AUH: variants seen among roughly 807,000 people sequenced by gnomAD.
The protein encoded by AUH is AU RNA binding methylglutaconyl-CoA hydratase.
In AUH, 29 loss-of-function variants were observed where a neutral mutation model predicts 42.3. The observed-to-expected ratio is 0.69, with a 90% confidence interval of 0.51 to 0.93. AUH has a LOEUF of 0.93. Ranked by LOEUF, AUH falls within the 40% of genes least tolerant of loss-of-function variation. AUH has a pLI of 0.00. For synonymous variants in AUH, 174 were observed against 166.4 expected, an observed-to-expected ratio of 1.05 and a Z score of -0.35; for missense variants, 452 against 438.1, an observed-to-expected ratio of 1.03 and a Z score of -0.28.
chr9:91,293,315 A>G (rs1337533954), intron 6 of AUH, among the ~76,000 whole-genome samples: 1 of 152,262 alleles, frequency 6.6e-6, no homozygotes, highest in Non-Finnish European at 1.5e-5. Flanking sequence ...AGATCAGCCA[A>G]AAGCTAGGCC....
At chr9:91,280,954 T>C in intron 6 of AUH, among the ~76,000 whole-genome samples, 1 of 152,220 alleles carries the variant, frequency 6.6e-6, no homozygotes, top group East Asian at 1.9e-4. Flanking sequence ...AGGATTTTTT[T>C]AAAAGTCTTG....
chr9:91,358,476 C>T (rs914219894), intron 1 of AUH, among the ~76,000 whole-genome samples: 2 of 152,092 alleles, frequency 1.3e-5, no homozygotes, highest in African/African-American at 2.4e-5. Context: ...ATTAAGAATT[C>T]GGCAAGTTAC....
intron 6 of AUH, among the ~76,000 whole-genome samples, chr9:91,273,309 A>G (rs1825302530): frequency 6.6e-6 from 1 of 152,230 alleles, no homozygotes; most frequent in African/African-American, 2.4e-5. Context: ...AAGGTTCACT[A>G]TAGTCATGGT....
chr9:91,305,617 C>A (rs1198078273), intron 4 of AUH, among the ~76,000 whole-genome samples: 1 of 151,650 alleles, frequency 6.6e-6, no homozygotes, highest in African/African-American at 2.4e-5. Flanking sequence ...ACCTGCCTTC[C>A]TACCTTTCTA....
At chr9:91,331,772 T>G (rs1415240987) in intron 3 of AUH, among the ~76,000 whole-genome samples, 1 of 152,232 alleles carries the variant, frequency 6.6e-6, no homozygotes. Flanking sequence ...ATATTTGCAG[T>G]AAACTACTCC....
At chr9:91,318,189 A>C (rs549212274) in intron 4 of AUH, among the ~76,000 whole-genome samples, 8 of 152,346 alleles carry the variant, frequency 5.3e-5, no homozygotes, top group African/African-American at 1.9e-4. Context: ...AAACATCTTA[A>C]AAGTAAATCT....
chr9:91,344,399 A>G (rs1831328858), intron 3 of AUH, among the ~76,000 whole-genome samples: 1 of 152,294 alleles, frequency 6.6e-6, no homozygotes, highest in Non-Finnish European at 1.5e-5. Flanking sequence ...TTGATGTCTT[A>G]TGTCTCCCTA....
intron 4 of AUH, among the ~76,000 whole-genome samples, chr9:91,300,858 T>TG (rs1490959483): frequency 6.6e-6 from 1 of 152,226 alleles, no homozygotes; most frequent in Non-Finnish European, 1.5e-5. Flanking sequence ...AGCCCCTACT[T>TG]GTCTGTCGAG....
chr9:91,333,903 C>T (rs762564984), intron 3 of AUH, among the ~76,000 whole-genome samples: 3 of 152,150 alleles, frequency 2.0e-5, no homozygotes, highest in Non-Finnish European at 4.4e-5. Flanking sequence ...TTTCCCCTCC[C>T]TGTAGCAACA....
At chr9:91,236,371 G>A (rs763236194) in intron 6 of AUH, among the ~76,000 whole-genome samples, 2 of 152,080 alleles carry the variant, frequency 1.3e-5, no homozygotes, top group Admixed American at 6.5e-5. Flanking sequence ...ATAACACTAC[G>A]TAAATCCTCC....
Position 91,361,880 on chromosome 9 carries a change from C to A in AUH, c.10G>T (p.Ala4Ser). MAAAVAAAPGALGS... is the reference protein window; with the variant it reads MAASVAAAPGALGS... ...AAGGCCCCAGGTGCCGCCGCCACCG[C>A]GGCCGCCATGTTGTCTGTTTACGGC... Residue 4 changes from alanine to serine, a missense_variant, in exon 1 of 10, where the codon GCG (alanine) becomes TCG (serine). Coordinates refer to ENST00000375731, the MANE Select transcript of AUH (RefSeq NM_001698.3). The A allele has an allele frequency of 6.8e-7, 1 of 1,465,342 alleles. No individual in the cohort carries two copies. Among genetic ancestry groups the A allele is most frequent in the East Asian group, 2.9e-5 (1 of 34,344 alleles). The allele number at this position is 1,465,342 out of a possible 1,614,324, so 90.8% of individuals were successfully genotyped here.
intron 6 of AUH, among the ~76,000 whole-genome samples, chr9:91,293,309 C>G (rs1025482337): frequency 2.6e-5 from 4 of 152,248 alleles, no homozygotes; most frequent in Non-Finnish European, 5.9e-5. Context: ...AAGCTGAGAT[C>G]AGCCAAAAGC....
chr9:91,214,341 G>T lies in AUH; in HGVS notation c.*7C>A, dbSNP rs766829349. 1 of 1,600,462 alleles carries T rather than the reference G, an allele frequency of 6.2e-7. No homozygotes were observed. The highest frequency in any genetic ancestry group is 2.2e-5 in the East Asian group (1 of 44,698). ...TTACATTGGCATCTTAAGAATTTCT[G>T]TTCCTTTTATTCTCCTTTATAGCGA... On this transcript the variant is annotated 3_prime_UTR_variant, in exon 10 of 10. Transcript: ENST00000375731.
chr9:91,273,649 T>C (rs1825328837), intron 6 of AUH, among the ~76,000 whole-genome samples: 1 of 152,240 alleles, frequency 6.6e-6, no homozygotes, highest in Admixed American at 6.5e-5. Flanking sequence ...ACCCTCTGTC[T>C]TTATAACAGA....
chr9:91,354,272 A>G (rs1832238165), intron 3 of AUH, among the ~76,000 whole-genome samples: 1 of 152,234 alleles, frequency 6.6e-6, no homozygotes. Context: ...CAATTTTTCT[A>G]TAATTAAGAC....
At chr9:91,215,664 C>T (rs556693846) in intron 9 of AUH, among the ~76,000 whole-genome samples, 40 of 152,122 alleles carry the variant, frequency 2.6e-4, no homozygotes, top group Non-Finnish European at 5.3e-4. Context: ...AGAGACAGAT[C>T]AGAGGTTCAG....
At chr9:91,308,150 C>T (rs886915517) in intron 4 of AUH, among the ~76,000 whole-genome samples, 4 of 152,058 alleles carry the variant, frequency 2.6e-5, no homozygotes, top group Admixed American at 2.0e-4. Flanking sequence ...AAAAGCATAA[C>T]GACAGGCCTA....
Position 91,355,987 on chromosome 9 carries a change from A to G in AUH, c.331-17T>C, listed in dbSNP as rs1184279661. 1 of 1,607,166 alleles carries G rather than the reference A, an allele frequency of 6.2e-7. No individual in the cohort carries two copies. The highest frequency in any genetic ancestry group is 1.7e-5 in the Admixed American group (1 of 59,982). ...TTTTGATAGCTAAACAGAAATAGGA[A>G]GCATAGGAGGAAAAAGAGAAAAAAA... is the stretch of plus-strand genomic sequence containing the variant. On this transcript the variant is annotated splice_polypyrimidine_tract_variant and intron_variant, in intron 2 of 9. Transcript: ENST00000375731.
At chr9:91,277,616 T>C (rs1303475218) in intron 6 of AUH, among the ~76,000 whole-genome samples, 2 of 152,168 alleles carry the variant, frequency 1.3e-5, no homozygotes, top group Non-Finnish European at 2.9e-5. Context: ...AATATATCAG[T>C]GTATGCATTT....
Sources: allele counts gnomAD v4.1 joint callset (sites outside exome capture counted in the v4.1 genomes callset), GRCh38; gene constraint gnomAD v4.1.1; transcripts MANE v1.5; gene names NCBI Gene and HGNC (gene_info 2026-07-23, HGNC 2026-07-21).